MMAA: variants seen among roughly 807,000 people sequenced by gnomAD.
MMAA encodes methylmalonic aciduria type A protein, mitochondrial.
A neutral mutation model predicts 45.0 loss-of-function variants in MMAA; 41 were observed. That is an observed-to-expected ratio of 0.91 (90% confidence interval 0.71 to 1.18). The LOEUF (loss-of-function observed/expected upper bound fraction) is 1.18, where lower values mean the gene tolerates loss of function less well. Among genes scored for constraint, MMAA ranks in the 50% most tolerant of loss-of-function variants. The pLI is 0.00. For synonymous variants in MMAA, 154 were observed against 178.2 expected, an observed-to-expected ratio of 0.86 and a Z score of 1.08; for missense variants, 460 against 495.7, an observed-to-expected ratio of 0.93 and a Z score of 0.68.
rs758394680 is a variant in MMAA at position 145,655,177 on chromosome 4, G to A, written c.1000G>A (p.Gly334Arg). 6.2e-7 allele frequency: 1 copy of A among 1,614,078 alleles called. No homozygotes were observed. Among genetic ancestry groups the A allele is most frequent in the South Asian group, 1.1e-5 (1 of 91,046 alleles). Residue 334 changes from glycine (G) to arginine (R), a missense_variant, in exon 7 of 7, where the codon GGG (glycine) becomes AGG (arginine). Transcript: ENST00000649156. Reference protein sequence around the residue: ...VIRISARSGEGISEMWDKMKD... With the variant: ...VIRISARSGERISEMWDKMKD... The stretch of plus-strand genomic sequence containing the variant: ...TCGTATTTCTGCCCGAAGTGGAGAG[G>A]GGATCTCTGAAATGTGGGATAAAAT...
chr4:145,647,116 T>C (rs1220337508), intron 4 of MMAA, among the ~76,000 whole-genome samples: 1 of 152,034 alleles, frequency 6.6e-6, no homozygotes, highest in Admixed American at 6.6e-5. Flanking sequence ...AAGGAGATGG[T>C]GGAGGTCTGA....
chr4:145,625,296 T>A, intron 1 of MMAA: 1 of 733,180 alleles, frequency 1.4e-6, no homozygotes, highest in Non-Finnish European at 2.5e-6. Context: ...CAGACATTAG[T>A]AAAGAAATTG....
chr4:145,643,324 A>T (rs1578880295), intron 3 of MMAA, among the ~76,000 whole-genome samples: 1 of 152,324 alleles, frequency 6.6e-6, no homozygotes, highest in Middle Eastern at 3.4e-3. Context: ...GGTGAACAAG[A>T]TACAGTCCTG....
At chr4:145,649,287 G>A (rs995764067) in intron 4 of MMAA, among the ~76,000 whole-genome samples, 8 of 152,336 alleles carry the variant, frequency 5.3e-5, no homozygotes, top group African/African-American at 1.9e-4. Context: ...AACAGAGCAA[G>A]ACCCAATCTC....
At chr4:145,625,296 T>G (rs1734178065) in intron 1 of MMAA, 1 of 733,180 alleles carries the variant, frequency 1.4e-6, no homozygotes, top group Non-Finnish European at 2.5e-6. Context: ...CAGACATTAG[T>G]AAAGAAATTG....
chr4:145,655,330 G>A lies in MMAA; in HGVS notation c.1153G>A (p.Val385Ile), dbSNP rs1235224074. Residue 385 changes from valine (V) to isoleucine (I), a missense_variant, in exon 7 of 7, where the codon GTC (valine) becomes ATC (isoleucine). Coordinates refer to ENST00000649156, the MANE Select transcript of MMAA (RefSeq NM_172250.3). Reference sequence around the variant, plus strand: ...AGAGCATTTCAGGACCCACCCCACAGTCCGGGAACAGATTCCACTTCTGGA... The same window carrying A: ...AGAGCATTTCAGGACCCACCCCACAATCCGGGAACAGATTCCACTTCTGGA... ...VLEHFRTHPT[V>I]REQIPLLEQK... The A allele has an allele frequency of 1.9e-6, 3 of 1,614,206 alleles. No homozygotes were observed. The highest frequency in any genetic ancestry group is 2.2e-5 in the South Asian group (2 of 91,080).
chr4:145,633,561 A>G (rs941042454), intron 1 of MMAA, among the ~76,000 whole-genome samples: 4 of 152,188 alleles, frequency 2.6e-5, no homozygotes, highest in Non-Finnish European at 5.9e-5. Context: ...GAAAGATCAC[A>G]TATCTCTATT....
chr4:145,625,703 GT>G, intron 1 of MMAA: 1 of 1,463,928 alleles, frequency 6.8e-7, no homozygotes. Flanking sequence ...CTAGATCTTT[GT>G]TTTGGGTACA....
chr4:145,631,635 T>C (rs72950824), intron 1 of MMAA, among the ~76,000 whole-genome samples: 2,541 of 152,262 alleles, frequency 0.017, 73 homozygotes, highest in African/African-American at 0.058. Flanking sequence ...GAGAGTTTAG[T>C]CCATTTACAT....
chr4:145,646,528 G>T, intron 4 of MMAA: 1 of 224,644 alleles, frequency 4.5e-6, no homozygotes, highest in South Asian at 7.0e-5. Context: ...GGTGCCTTTT[G>T]AAAATGCAAA....
rs1728303629 is a variant in MMAA at position 145,658,706 on chromosome 4, A to AG, written c.*3272_*3273insG. 1 of 152,008 alleles carries AG rather than the reference A, an allele frequency of 6.6e-6. No homozygotes were observed. Among genetic ancestry groups the AG allele is most frequent in the African/African-American group, 2.4e-5 (1 of 41,428 alleles). 9.4% of individuals were successfully genotyped at this position (152,008 alleles called of 1,614,324 possible). The stretch of plus-strand genomic sequence containing the variant: ...ACCTCTAAGGCAAAAAAAAAAAAAA[A>AG]AAGGAAAAATTAGTGAAAATCATTC... On this transcript the variant is annotated 3_prime_UTR_variant, in exon 7 of 7. Transcript: ENST00000649156.
rs148320811 is a variant in MMAA, at chr4:145,652,198, T to C, written c.819+1051T>C. On this transcript the variant is annotated intron_variant, in intron 5 of 6. Transcript: ENST00000649156. ...GTGTCCTCAAGACACATTTCTCTCCTGGCATATTGATGTGTATCACCAACC... is the reference window on the plus strand; with the variant it reads ...GTGTCCTCAAGACACATTTCTCTCCCGGCATATTGATGTGTATCACCAACC... 7.1e-3 allele frequency among the ~76,000 whole-genome samples: 1,081 copies of C among 152,314 alleles called. 5 individuals carry two copies. Among genetic ancestry groups the C allele is most frequent in the Non-Finnish European group, 0.012 (791 of 68,026 alleles).
intron 1 of MMAA, among the ~76,000 whole-genome samples, chr4:145,622,075 T>C (rs1483862019): frequency 1.3e-5 from 2 of 152,230 alleles, no homozygotes; most frequent in Non-Finnish European, 2.9e-5. Context: ...ATAACTGATA[T>C]GGTTTGGCTG....
intron 4 of MMAA, among the ~76,000 whole-genome samples, chr4:145,647,881 G>C (rs1727974253): frequency 6.6e-6 from 1 of 152,104 alleles, no homozygotes; most frequent in African/African-American, 2.4e-5. Context: ...TTTTGAGACA[G>C]AGTCTTGCTG....
At chr4:145,620,493 A>G (rs371947451) in intron 1 of MMAA, among the ~76,000 whole-genome samples, 4 of 152,140 alleles carry the variant, frequency 2.6e-5, no homozygotes, top group African/African-American at 9.7e-5. Flanking sequence ...AAAGATCTGT[A>G]TTTTTACGTA....
intron 1 of MMAA, among the ~76,000 whole-genome samples, chr4:145,620,503 A>C (rs1734068895): frequency 6.6e-6 from 1 of 152,016 alleles, no homozygotes; most frequent in African/African-American, 2.4e-5. Flanking sequence ...ATTTTTACGT[A>C]TTTTTTCTTG....
chr4:145,639,071 C>A lies in MMAA; in HGVS notation c.-65-4C>A. ...ACTGGCTAACATGTTTTTCTTTCTT[C>A]TAGGGAGGTCACAATCACATTGAGC... is the stretch of plus-strand genomic sequence containing the variant. On this transcript the variant is annotated splice_region_variant and splice_polypyrimidine_tract_variant and intron_variant, in intron 1 of 6. Coordinates refer to ENST00000649156, the MANE Select transcript of MMAA (RefSeq NM_172250.3). 1 of 1,415,428 alleles carries A rather than the reference C, an allele frequency of 7.1e-7. No individual in the cohort carries two copies. Among genetic ancestry groups the A allele is most frequent in the Non-Finnish European group, 1.0e-6 (1 of 999,526 alleles). 87.7% of individuals were successfully genotyped at this position (1,415,428 alleles called of 1,614,324 possible). A position where few individuals can be genotyped will look rare whatever the true frequency, so the allele number is the denominator to read the frequency against.
intron 1 of MMAA, among the ~76,000 whole-genome samples, chr4:145,622,489 G>C (rs752451874): frequency 4.1e-4 from 63 of 151,908 alleles, no homozygotes; most frequent in Non-Finnish European, 7.9e-4. Context: ...GTAAAGCTGG[G>C]GAATTTCTCT....
intron 1 of MMAA, among the ~76,000 whole-genome samples, chr4:145,633,855 T>G (rs1265395309): frequency 6.6e-6 from 1 of 152,262 alleles, no homozygotes; most frequent in Non-Finnish European, 1.5e-5. Context: ...GATAAGATCC[T>G]GAAGAATTCT....
Sources: allele counts gnomAD v4.1 joint callset (sites outside exome capture counted in the v4.1 genomes callset), GRCh38; gene constraint gnomAD v4.1.1; transcripts MANE v1.5; gene names NCBI Gene and HGNC (gene_info 2026-07-23, HGNC 2026-07-21).